Variants in AOPEP observed in about 807,000 individuals in gnomAD.
AOPEP encodes the protein aminopeptidase O (putative), also known as aminopeptidase O.
In AOPEP, 77 loss-of-function variants were observed where a neutral mutation model predicts 98.1. That is an observed-to-expected ratio of 0.78 (90% confidence interval 0.65 to 0.95). The LOEUF (loss-of-function observed/expected upper bound fraction) is 0.95. AOPEP is among the 40% of genes least tolerant of loss of function. The probability of loss-of-function intolerance (pLI) is 0.00; values close to 1 mark genes in which losing one functional copy is unlikely to be tolerated. For synonymous variants in AOPEP, 346 were observed against 365.3 expected, an observed-to-expected ratio of 0.95 and a Z score of 0.60; for missense variants, 1,024 against 1,024.7, an observed-to-expected ratio of 1.00 and a Z score of 0.01.
chr9:94,825,060 G>GT (rs1355974066), intron 5 of AOPEP, among the ~76,000 whole-genome samples: 3 of 152,154 alleles, frequency 2.0e-5, no homozygotes, highest in African/African-American at 7.2e-5. Context: ...AAACAGGGCT[G>GT]TTTAACTGCT....
chr9:94,910,442 G>A lies in AOPEP; in HGVS notation c.1365-13544G>A, dbSNP rs1184530107. 3.9e-5 allele frequency among the ~76,000 whole-genome samples: 6 copies of A among 152,310 alleles called. No individual in the cohort carries two copies. In the South Asian group the frequency reaches 6.2e-4, roughly 16 times the overall value. The stretch of plus-strand genomic sequence containing the variant: ...TGGGTCTCGGGCAGCCTTGCAGCAC[G>A]CAGCACATCAACCGCGGATCTTCTT... On this transcript the variant is annotated intron_variant, in intron 5 of 16. Transcript: ENST00000375315.
At chr9:95,052,160 C>G (rs982059851) in intron 13 of AOPEP, among the ~76,000 whole-genome samples, 14 of 152,174 alleles carry the variant, frequency 9.2e-5, no homozygotes, top group African/African-American at 3.4e-4. Context: ...GCTATTCTTG[C>G]AGACATTGTT....
rs200943053 is a variant in AOPEP at position 95,072,708 on chromosome 9, G to GA, written c.2233-7979dup. 3.9e-3 allele frequency among the ~76,000 whole-genome samples: 594 copies of GA among 152,238 alleles called. 6 individuals are homozygous for GA. The highest frequency in any genetic ancestry group is 0.014 in the African/African-American group (575 of 41,550). The stretch of plus-strand genomic sequence containing the variant: ...GCTTCAGCAGCTTTCCTATTTCCAA[G>GA]AAAAAAAGCAATCAAATAAGGGTGA... On this transcript the variant is annotated intron_variant, in intron 14 of 16. Transcript: ENST00000375315.
chr9:94,736,439 T>G (rs984365627), intron 1 of AOPEP, among the ~76,000 whole-genome samples: 4 of 152,194 alleles, frequency 2.6e-5, no homozygotes, highest in African/African-American at 9.7e-5. Flanking sequence ...CTGAAAAAGC[T>G]GGTATTTTTG....
In AOPEP at chr9:94,931,773, C is replaced by T. The variant is rs186510296; in HGVS notation, c.1661+3242C>T. 5.7e-4 allele frequency: 891 copies of T among 1,550,114 alleles called. 5 individuals carry two copies. Among genetic ancestry groups the T allele is most frequent in the East Asian group, 1.5e-4 (6 of 40,922 alleles). The stretch of plus-strand genomic sequence containing the variant: ...CTCTTGAGATCTTTGCCACACTGTT[C>T]AACATGTTTGACCACTCTGTCCTAA... On this transcript the variant is annotated intron_variant, in intron 7 of 16. Coordinates refer to ENST00000375315, the MANE Select transcript of AOPEP (RefSeq NM_001193329.3).
chr9:94,863,690 A>G (rs577840182), intron 5 of AOPEP, among the ~76,000 whole-genome samples: 1 of 152,348 alleles, frequency 6.6e-6, no homozygotes, highest in South Asian at 2.1e-4. Flanking sequence ...TGCTGGGATT[A>G]CAGACGTGAG....
intron 9 of AOPEP, among the ~76,000 whole-genome samples, chr9:94,961,013 C>A (rs866656104): frequency 2.0e-3 from 238 of 118,512 alleles, no homozygotes; most frequent in Non-Finnish European, 2.2e-3. Flanking sequence ...GAATCTGTCT[C>A]AAAAAAAAAA....
chr9:94,807,158 G>A (rs1849423417), intron 5 of AOPEP, among the ~76,000 whole-genome samples: 1 of 152,198 alleles, frequency 6.6e-6, no homozygotes, highest in Admixed American at 6.5e-5. Flanking sequence ...TGAGTTCTTG[G>A]GGGCCAGGCT....
intron 13 of AOPEP, among the ~76,000 whole-genome samples, chr9:95,044,232 A>G (rs1218138160): frequency 2.0e-5 from 3 of 152,238 alleles, no homozygotes; most frequent in Non-Finnish European, 4.4e-5. Flanking sequence ...AAAAAGTATT[A>G]TCTTTTAATT....
chr9:94,884,937 A>C (rs1213223119), intron 5 of AOPEP, among the ~76,000 whole-genome samples: 3 of 145,438 alleles, frequency 2.1e-5, no homozygotes, highest in Non-Finnish European at 4.5e-5. Flanking sequence ...TGAACCCGGG[A>C]GGCGGAGCTT....
chr9:94,812,468 AC>A (rs1325871905), intron 5 of AOPEP, among the ~76,000 whole-genome samples: 7 of 151,628 alleles, frequency 4.6e-5, no homozygotes. Context: ...TTCTCTTTAT[AC>A]CCCCTGCCTG....
intron 11 of AOPEP, among the ~76,000 whole-genome samples, chr9:95,002,758 C>T (rs528348521): frequency 1.4e-4 from 22 of 152,260 alleles, no homozygotes; most frequent in African/African-American, 5.3e-4. Flanking sequence ...AAGTGGGCTA[C>T]CACGCAAAGA....
chr9:94,791,581 A>C lies in AOPEP; in HGVS notation c.965-1184A>C, dbSNP rs116781301. On this transcript the variant is annotated intron_variant, in intron 3 of 16. Coordinates refer to ENST00000375315, the MANE Select transcript of AOPEP (RefSeq NM_001193329.3). ...CTACTTTGGAAGGTGAGGTGGGAGA[A>C]TCACTTGAGACATTGGATATTGGGT... 7.4e-3 allele frequency among the ~76,000 whole-genome samples: 1,128 copies of C among 152,254 alleles called. 14 individuals carry two copies. Among genetic ancestry groups the C allele is most frequent in the African/African-American group, 0.026 (1,089 of 41,546 alleles).
rs2066752177 is a variant in AOPEP, at chr9:95,055,612, T to C, written c.2116-5082T>C. ...GCTGTTTCCTCCCATTCCTGTGGACTGAAGGGGCAACCTGAGGGTCTGCTA... is the reference window on the plus strand; with the variant it reads ...GCTGTTTCCTCCCATTCCTGTGGACCGAAGGGGCAACCTGAGGGTCTGCTA... On this transcript the variant is annotated intron_variant, in intron 13 of 16. Coordinates refer to ENST00000375315, the MANE Select transcript of AOPEP (RefSeq NM_001193329.3). Among the ~76,000 whole-genome samples, 3 of 152,322 alleles carry C rather than the reference T, an allele frequency of 2.0e-5. No homozygotes were observed. The South Asian group carries it at 6.2e-4, about 32-fold the overall frequency.
chr9:95,055,965 A>G (rs2066779596), intron 13 of AOPEP, among the ~76,000 whole-genome samples: 1 of 151,456 alleles, frequency 6.6e-6, no homozygotes, highest in South Asian at 2.1e-4. Context: ...GCTTTTCTGG[A>G]AGAAGAATGC....
chr9:95,107,086 C>T, the AOPEP span: 36 of 1,614,040 alleles, frequency 2.2e-5, no homozygotes, highest in Admixed American at 1.0e-4. Context: ...ACATCCCAGG[C>T]GATCGTGTGG....
At chr9:95,137,761 G>A in the AOPEP span, among the ~76,000 whole-genome samples, 2 of 152,220 alleles carry the variant, frequency 1.3e-5, no homozygotes, top group Non-Finnish European at 2.9e-5. Context: ...TGAGTGTGGA[G>A]GCAGGCAGGG....
chr9:95,148,140 T>C, the AOPEP span, among the ~76,000 whole-genome samples: 1 of 152,208 alleles, frequency 6.6e-6, no homozygotes, highest in Admixed American at 6.5e-5. Flanking sequence ...CATTTTCACA[T>C]ATGAATGTCT....
intron 13 of AOPEP, among the ~76,000 whole-genome samples, chr9:95,037,421 G>A (rs190231683): frequency 9.1e-4 from 138 of 152,174 alleles, no homozygotes; most frequent in African/African-American, 3.2e-3. Context: ...AAGTATTACC[G>A]CATTCAGTTA....
Sources: gnomAD v4.1 joint callset for allele counts (sites outside exome capture counted in the v4.1 genomes callset) on GRCh38, gnomAD v4.1.1 for gene constraint, MANE v1.5 for transcripts, NCBI Gene and HGNC (gene_info 2026-07-23, HGNC 2026-07-21) for gene names.